Variants in CCDC192 observed in about 807,000 individuals in gnomAD.
The protein encoded by CCDC192 is coiled-coil domain containing 192.
chr5:127,710,952 G>T (rs989792402), intron 2 of CCDC192, among the ~76,000 whole-genome samples: 1 of 152,158 alleles, frequency 6.6e-6, no homozygotes, highest in African/African-American at 2.4e-5. Flanking sequence ...GCCTGCTGGA[G>T]AATTAGAATG....
At position 127,856,834 on chromosome 5, in the gene CCDC192, T is replaced by C. The variant is rs1484948114; in HGVS notation, c.412-18704T>C. Among the ~76,000 whole-genome samples the C allele has an allele frequency of 2.6e-5, 4 of 152,174 alleles. No individual in the cohort carries two copies. In the East Asian group the frequency reaches 7.7e-4, roughly 29 times the overall value. ...AATTATGTTTGGTGTCTTATATGGG[T>C]ACAGTTTGTGGTGCCCCAAAACAAT... On this transcript the variant is annotated intron_variant, in intron 5 of 6. Coordinates refer to ENST00000514853, the MANE Select transcript of CCDC192 (RefSeq NM_001317938.2).
At position 127,719,428 on chromosome 5, in the gene CCDC192, T is replaced by C. The variant is rs538263686; in HGVS notation, c.114+11668T>C. Among the ~76,000 whole-genome samples, 441 of 147,194 alleles carry C rather than the reference T, an allele frequency of 3.0e-3. 2 individuals are homozygous for C. The Middle Eastern group carries it at 0.032, about 11-fold the overall frequency. ...TTATATATACATACATATATATATA[T>C]ATACACACACATACATATATATACA... On this transcript the variant is annotated intron_variant, in intron 2 of 6. Transcript: ENST00000514853.
intron 6 of CCDC192, among the ~76,000 whole-genome samples, chr5:127,906,007 G>GT (rs1177892676): frequency 2.0e-5 from 3 of 152,056 alleles, no homozygotes; most frequent in Non-Finnish European, 2.9e-5. Flanking sequence ...TTTTATAACT[G>GT]TTTTTTTATT....
intron 6 of CCDC192, among the ~76,000 whole-genome samples, chr5:127,935,038 T>A (rs1754149716): frequency 6.6e-6 from 1 of 152,202 alleles, no homozygotes. Flanking sequence ...GTCTTTCTTG[T>A]TGAGTAAATA....
chr5:127,807,221 T>C (rs1757838251), intron 5 of CCDC192, among the ~76,000 whole-genome samples: 1 of 152,182 alleles, frequency 6.6e-6, no homozygotes, highest in Non-Finnish European at 1.5e-5. Flanking sequence ...CAGTAACTGT[T>C]CCCCAGTTTA....
At chr5:127,787,142 C>A (rs1386841050) in intron 3 of CCDC192, 4 of 226,160 alleles carry the variant, frequency 1.8e-5, no homozygotes, top group Non-Finnish European at 3.7e-5. Context: ...CAAATTTATT[C>A]ACAGCAGTTT....
chr5:127,719,830 G>GC (rs138708896), intron 2 of CCDC192, among the ~76,000 whole-genome samples: 1 of 94,312 alleles, frequency 1.1e-5, no homozygotes, highest in African/African-American at 4.4e-5. Context: ...ATCAGAGGAA[G>GC]GGGCGGGGGA....
chr5:127,923,545 CTTTTTGTA>C (rs1324053793), intron 6 of CCDC192, among the ~76,000 whole-genome samples: 2 of 151,882 alleles, frequency 1.3e-5, no homozygotes, highest in African/African-American at 2.4e-5. Context: ...GCCCTGCTAA[CTTTTTGTA>C]TTTTTAGTAG....
intron 2 of CCDC192, among the ~76,000 whole-genome samples, chr5:127,746,467 T>C (rs191524415): frequency 3.9e-5 from 6 of 152,294 alleles, no homozygotes; most frequent in African/African-American, 1.4e-4. Context: ...ACAAGAAAAT[T>C]TTCCCTGGAA....
chr5:127,823,741 T>C (rs1403038693), intron 5 of CCDC192, among the ~76,000 whole-genome samples: 2 of 152,222 alleles, frequency 1.3e-5, no homozygotes, highest in Non-Finnish European at 2.9e-5. Flanking sequence ...AGAGTCCTTC[T>C]TGTAGGCCTC....
intron 5 of CCDC192, among the ~76,000 whole-genome samples, chr5:127,811,194 C>T (rs1490907328): frequency 6.6e-6 from 1 of 152,162 alleles, no homozygotes; most frequent in Non-Finnish European, 1.5e-5. Flanking sequence ...AACTTCCTCC[C>T]CTTAGGTTTT....
intron 5 of CCDC192, among the ~76,000 whole-genome samples, chr5:127,813,503 A>G (rs1194863836): frequency 6.6e-6 from 1 of 152,176 alleles, no homozygotes; most frequent in East Asian, 1.9e-4. Flanking sequence ...AAATATAAAT[A>G]ATTCTATGTT....
intron 5 of CCDC192, among the ~76,000 whole-genome samples, chr5:127,810,205 C>T (rs1010006609): frequency 6.6e-6 from 1 of 152,214 alleles, no homozygotes. Context: ...ATTCAAATAA[C>T]AGTCCATTGT....
chr5:127,773,759 T>C (rs1414717435), intron 3 of CCDC192, among the ~76,000 whole-genome samples: 1 of 152,214 alleles, frequency 6.6e-6, no homozygotes, highest in African/African-American at 2.4e-5. Flanking sequence ...TAAGTGTTCA[T>C]TTCTTTTTGG....
intron 3 of CCDC192, among the ~76,000 whole-genome samples, chr5:127,794,140 A>G (rs1311311725): frequency 1.3e-5 from 2 of 152,188 alleles, no homozygotes; most frequent in African/African-American, 2.4e-5. Flanking sequence ...AAATTAGGTC[A>G]CATCTCCTTA....
chr5:127,807,502 C>T (rs180737463), intron 5 of CCDC192, among the ~76,000 whole-genome samples: 189 of 152,086 alleles, frequency 1.2e-3, no homozygotes, highest in Non-Finnish European at 2.3e-3. Context: ...GGGGTAGAGC[C>T]TGGGTCTAGT....
chr5:127,935,781 C>G (rs1381199586), intron 6 of CCDC192, among the ~76,000 whole-genome samples: 3 of 152,154 alleles, frequency 2.0e-5, no homozygotes, highest in African/African-American at 7.2e-5. Context: ...TGGAGGGACA[C>G]CAGTGACTGA....
At chr5:127,939,007 G>C (rs1184425348) in intron 6 of CCDC192, among the ~76,000 whole-genome samples, 1 of 152,004 alleles carries the variant, frequency 6.6e-6, no homozygotes, top group African/African-American at 2.4e-5. Context: ...TCCTGGGCTG[G>C]AAAGCACAGG....
chr5:127,934,107 C>T (rs945140414), intron 6 of CCDC192, among the ~76,000 whole-genome samples: 7 of 152,208 alleles, frequency 4.6e-5, no homozygotes, highest in African/African-American at 1.7e-4. Context: ...TCTACAGGCT[C>T]TCTGATCCAC....
Sources: gnomAD v4.1 joint callset for allele counts (sites outside exome capture counted in the v4.1 genomes callset) on GRCh38, gnomAD v4.1.1 for gene constraint, MANE v1.5 for transcripts, NCBI Gene and HGNC (gene_info 2026-07-23, HGNC 2026-07-21) for gene names.